The following SYNDIG1L variants were observed in gnomAD, a reference collection of about 807,000 sequenced individuals.
The protein encoded by SYNDIG1L is synapse differentiation-inducing gene protein 1-like.
In SYNDIG1L, 13 loss-of-function variants were observed where a neutral mutation model predicts 20.1. That is an observed-to-expected ratio of 0.65 (90% CI 0.42 to 1.03). SYNDIG1L has a LOEUF of 1.03. SYNDIG1L is among the 50% of genes least tolerant of loss of function. The pLI, the probability that SYNDIG1L is intolerant of heterozygous loss-of-function variation, is 0.00. For synonymous variants in SYNDIG1L, 128 were observed against 129.3 expected (o/e 0.99, Z 0.07); for missense variants, 294 against 305.1 (o/e 0.96, Z 0.27).
the SYNDIG1L span, among the ~76,000 whole-genome samples, chr14:74,455,477 C>A: frequency 6.7e-6 from 1 of 149,536 alleles, no homozygotes; most frequent in Non-Finnish European, 1.5e-5. Flanking sequence ...CTCACTGCAA[C>A]CTCCTCCTCC....
chr14:74,411,499 A>G (rs1247438042), intron 1 of SYNDIG1L, among the ~76,000 whole-genome samples: 1 of 152,164 alleles, frequency 6.6e-6, no homozygotes, highest in Admixed American at 6.5e-5. Flanking sequence ...CCCAGCCCCC[A>G]TGAGAATCCA....
chr14:74,440,524 A>C, the SYNDIG1L span, among the ~76,000 whole-genome samples: 99 of 150,796 alleles, frequency 6.6e-4, no homozygotes, highest in African/African-American at 2.4e-3. Flanking sequence ...CATAAAAAAA[A>C]AAAAAAAAAA....
intron 1 of SYNDIG1L, among the ~76,000 whole-genome samples, chr14:74,414,517 C>T (rs1376987878): frequency 3.9e-5 from 6 of 152,164 alleles, no homozygotes; most frequent in Non-Finnish European, 7.3e-5. Context: ...GGGCAGGAAA[C>T]CATTCAGGAA....
Position 74,414,966 on chromosome 14 carries a change from G to A in SYNDIG1L, c.-57-5165C>T, listed in dbSNP as rs541460456. Among the ~76,000 whole-genome samples, 6 of 152,308 alleles carry A rather than the reference G, an allele frequency of 3.9e-5. No homozygotes were observed. In the South Asian group the frequency reaches 1.0e-3, roughly 26 times the overall value. The stretch of plus-strand genomic sequence containing the variant: ...ATCCCAGAGGAAAGAGAAACACAGG[G>A]AGGCCAGCCTGACACTTGACACTGC... On this transcript the variant is annotated intron_variant, in intron 1 of 3. Transcript: ENST00000331628.
the SYNDIG1L span, among the ~76,000 whole-genome samples, chr14:74,467,463 A>C: frequency 6.6e-6 from 1 of 152,148 alleles, no homozygotes; most frequent in Admixed American, 6.5e-5. Context: ...CAGGGGGCTC[A>C]GATTATGAAG....
At position 74,409,497 on chromosome 14, in the gene SYNDIG1L, C is replaced by G. The variant is rs1466052877; in HGVS notation, c.248G>C (p.Arg83Thr). The change falls in exon 2 of 4, where the codon AGG becomes ACG. Residue 83 changes from arginine to threonine, a missense_variant. Coordinates refer to ENST00000331628, the MANE Select transcript of SYNDIG1L (RefSeq NM_001105579.2). The stretch of plus-strand genomic sequence containing the variant: ...GAAGCTTGTCTCACAGCTGCCTGCC[C>G]TGGGCTCCTTGACCTTGTCTCTCCC... ...LLGRDKVKEP[R>T]AGSCETSFTE... 5 of 1,611,862 alleles carry G rather than the reference C, an allele frequency of 3.1e-6. No individual in the cohort carries two copies. In the African/African-American group the frequency reaches 6.7e-5, roughly 22 times the overall value.
the SYNDIG1L span, among the ~76,000 whole-genome samples, chr14:74,437,750 A>G: frequency 1.3e-5 from 2 of 152,202 alleles, no homozygotes; most frequent in African/African-American, 4.8e-5. Flanking sequence ...AATTGGTTGC[A>G]TTTCTCAGGC....
At chr14:74,411,005 C>T (rs1177566664) in intron 1 of SYNDIG1L, among the ~76,000 whole-genome samples, 1 of 152,142 alleles carries the variant, frequency 6.6e-6, no homozygotes, top group Admixed American at 6.5e-5. Context: ...CATAAACCCC[C>T]CCAACACACT....
At position 74,407,574 on chromosome 14, in the gene SYNDIG1L, C is replaced by T; in HGVS notation, c.678G>A (p.Val226=). 6.2e-7 allele frequency: 1 copy of T among 1,614,098 alleles called. No individual in the cohort carries two copies. Among genetic ancestry groups the T allele is most frequent in the Non-Finnish European group, 8.5e-7 (1 of 1,179,980 alleles). ...VGAGLYVAVV[V]ALAAYMSQNG... The stretch of plus-strand genomic sequence containing the variant: ...TCTGGGACATGTAAGCTGCCAGAGC[C>T]ACCACCACAGCCACGTAGAGACCGG... Residue 226 remains valine, a synonymous_variant, in exon 4 of 4, where the codon GTG becomes GTA. Transcript: ENST00000331628.
At chr14:74,463,018 T>A in the SYNDIG1L span, among the ~76,000 whole-genome samples, 1 of 152,084 alleles carries the variant, frequency 6.6e-6, no homozygotes, top group Non-Finnish European at 1.5e-5. Context: ...TGTCGGATCA[T>A]GGGGGACATT....
intron 1 of SYNDIG1L, among the ~76,000 whole-genome samples, chr14:74,413,449 A>G (rs899057255): frequency 1.3e-5 from 2 of 152,248 alleles, no homozygotes; most frequent in East Asian, 3.8e-4. Flanking sequence ...ACGTGAGAAA[A>G]TACTCATTGC....
chr14:74,417,719 G>T (rs138973627), intron 1 of SYNDIG1L, among the ~76,000 whole-genome samples: 2 of 152,324 alleles, frequency 1.3e-5, no homozygotes, highest in African/African-American at 2.4e-5. Context: ...GGGCATAACT[G>T]CATGGAGCTA....
the SYNDIG1L span, among the ~76,000 whole-genome samples, chr14:74,432,095 C>G: frequency 6.7e-6 from 1 of 149,962 alleles, no homozygotes; most frequent in Admixed American, 6.6e-5. Context: ...TCCTTTTTGC[C>G]AGAACACCCA....
chr14:74,450,974 G>T, the SYNDIG1L span, among the ~76,000 whole-genome samples: 16 of 152,234 alleles, frequency 1.1e-4, no homozygotes, highest in Middle Eastern at 6.8e-3. Flanking sequence ...TGGGTCAGGG[G>T]ACTCATTGTT....
At chr14:74,412,862 T>A (rs776206405) in intron 1 of SYNDIG1L, among the ~76,000 whole-genome samples, 1 of 152,094 alleles carries the variant, frequency 6.6e-6, no homozygotes, top group South Asian at 2.1e-4. Flanking sequence ...CTGGCCATAA[T>A]GTATGTCCCT....
the SYNDIG1L span, chr14:74,476,369 C>G: frequency 1.4e-6 from 1 of 727,672 alleles, no homozygotes; most frequent in South Asian, 1.5e-5. Flanking sequence ...CAGAGCTAAG[C>G]TGATCTTTCT....
the SYNDIG1L span, among the ~76,000 whole-genome samples, chr14:74,470,992 G>A: frequency 6.6e-6 from 1 of 152,282 alleles, no homozygotes; most frequent in East Asian, 1.9e-4. Context: ...GTTAAAAACG[G>A]ACACAGCCCC....
chr14:74,436,406 T>A, the SYNDIG1L span, among the ~76,000 whole-genome samples: 1 of 152,024 alleles, frequency 6.6e-6, no homozygotes, highest in Non-Finnish European at 1.5e-5. Context: ...TTTATTTATT[T>A]ATTATTTATT....
chr14:74,442,393 A>G, the SYNDIG1L span, among the ~76,000 whole-genome samples: 1 of 152,232 alleles, frequency 6.6e-6, no homozygotes, highest in Non-Finnish European at 1.5e-5. Context: ...TGCATTGAGC[A>G]CTGAAGAATG....
Sources: allele counts gnomAD v4.1 joint callset (sites outside exome capture counted in the v4.1 genomes callset), GRCh38; gene constraint gnomAD v4.1.1; transcripts MANE v1.5; gene names NCBI Gene and HGNC (gene_info 2026-07-23, HGNC 2026-07-21).